The following DSCAM variants were observed in gnomAD, a reference collection of about 807,000 sequenced individuals.
The protein encoded by DSCAM is DS cell adhesion molecule.
DSCAM carries 47 observed loss-of-function variants against 217.7 expected under a neutral mutation model. The observed-to-expected ratio is 0.22, with a 90% CI of 0.17 to 0.28. The LOEUF (loss-of-function observed/expected upper bound fraction) is 0.28. Ranked by LOEUF, DSCAM falls within the 10% of genes least tolerant of loss-of-function variation. DSCAM has a pLI of 1.00. For missense variants in DSCAM, 2,080 were observed against 2,618.3 expected, an observed-to-expected ratio of 0.79 and a Z score of 4.49; for synonymous variants, 1,056 against 1,015.3, an observed-to-expected ratio of 1.04 and a Z score of -0.76.
intron 3 of DSCAM, among the ~76,000 whole-genome samples, chr21:40,539,452 T>C (rs1413885884): frequency 1.3e-5 from 2 of 151,230 alleles, no homozygotes; most frequent in African/African-American, 4.9e-5. Context: ...CCCCAGATTG[T>C]GTCACTGCAC....
intron 14 of DSCAM, among the ~76,000 whole-genome samples, chr21:40,184,139 T>C (rs1226582631): frequency 6.6e-6 from 1 of 152,226 alleles, no homozygotes; most frequent in Non-Finnish European, 1.5e-5. Context: ...GAAGGCTTCC[T>C]GGAAGAAGTG....
intron 1 of DSCAM, among the ~76,000 whole-genome samples, chr21:40,836,000 A>G (rs765226777): frequency 6.6e-6 from 1 of 152,208 alleles, no homozygotes; most frequent in Non-Finnish European, 1.5e-5. Flanking sequence ...AAATGACCCA[A>G]AGCCCTTCAG....
At chr21:40,614,507 GAAC>G (rs2089362018) in intron 3 of DSCAM, among the ~76,000 whole-genome samples, 2 of 152,072 alleles carry the variant, frequency 1.3e-5, no homozygotes, top group African/African-American at 4.8e-5. Flanking sequence ...GTGAAATTTG[GAAC>G]AACTTTTATG....
At chr21:40,815,772 A>G (rs893231694) in intron 1 of DSCAM, among the ~76,000 whole-genome samples, 1 of 152,206 alleles carries the variant, frequency 6.6e-6, no homozygotes, top group African/African-American at 2.4e-5. Context: ...TCTGCATTCA[A>G]ACTGAACACA....
At chr21:40,691,421 T>C (rs2090536437) in intron 3 of DSCAM, among the ~76,000 whole-genome samples, 1 of 152,226 alleles carries the variant, frequency 6.6e-6, no homozygotes, top group Non-Finnish European at 1.5e-5. Context: ...GAACCTATAC[T>C]CCCTTGCCAT....
intron 3 of DSCAM, among the ~76,000 whole-genome samples, chr21:40,457,282 C>T (rs370617057): frequency 5.9e-5 from 9 of 152,090 alleles, no homozygotes; most frequent in South Asian, 4.1e-4. Flanking sequence ...AAAGCCAAGG[C>T]GGGAGGATTG....
chr21:40,175,136 G>A (rs192520465), intron 15 of DSCAM, among the ~76,000 whole-genome samples: 1 of 152,152 alleles, frequency 6.6e-6, no homozygotes, highest in Non-Finnish European at 1.5e-5. Context: ...TTGACAAGGA[G>A]TCTCACTCTG....
chr21:40,630,200 A>G (rs2089669859), intron 3 of DSCAM, among the ~76,000 whole-genome samples: 1 of 152,234 alleles, frequency 6.6e-6, no homozygotes, highest in Admixed American at 6.5e-5. Flanking sequence ...ATTTGACAGA[A>G]GCAGAGGCAG....
chr21:40,670,025 T>A (rs984238333), intron 3 of DSCAM, among the ~76,000 whole-genome samples: 24 of 152,272 alleles, frequency 1.6e-4, no homozygotes, highest in East Asian at 9.6e-4. Context: ...ATGATTATGA[T>A]TTTGGAAGTT....
intron 2 of DSCAM, among the ~76,000 whole-genome samples, chr21:40,695,897 G>A (rs1202601350): frequency 2.6e-5 from 4 of 151,950 alleles, no homozygotes; most frequent in Admixed American, 2.6e-4. Flanking sequence ...TGTTCCTGAG[G>A]CCTCCATAAC....
chr21:40,461,979 T>C (rs2075809660), intron 3 of DSCAM, among the ~76,000 whole-genome samples: 1 of 151,934 alleles, frequency 6.6e-6, no homozygotes, highest in African/African-American at 2.4e-5. Context: ...ACATCCACAA[T>C]AGTATGACAA....
intron 1 of DSCAM, among the ~76,000 whole-genome samples, chr21:40,734,135 C>T (rs964899526): frequency 1.3e-5 from 2 of 152,048 alleles, no homozygotes; most frequent in Non-Finnish European, 2.9e-5. Context: ...GCATTAGATG[C>T]GATGTGGGGT....
At chr21:40,659,895 A>C (rs2146377732) in intron 3 of DSCAM, among the ~76,000 whole-genome samples, 1 of 152,366 alleles carries the variant, frequency 6.6e-6, no homozygotes, top group African/African-American at 2.4e-5. Context: ...GTAAGCGAAG[A>C]CCAGATGCAT....
chr21:40,465,333 G>A (rs920641090), intron 3 of DSCAM, among the ~76,000 whole-genome samples: 4 of 152,030 alleles, frequency 2.6e-5, no homozygotes, highest in Admixed American at 1.3e-4. Context: ...TATCATGAGC[G>A]GCTCTTTCTC....
chr21:40,415,090 T>C (rs144128050), intron 3 of DSCAM, among the ~76,000 whole-genome samples: 4 of 152,302 alleles, frequency 2.6e-5, no homozygotes, highest in South Asian at 2.1e-4. Flanking sequence ...ACCTGGAATT[T>C]GATTTGGACG....
chr21:40,046,598 G>A (rs1292466551), intron 30 of DSCAM, among the ~76,000 whole-genome samples: 4 of 152,178 alleles, frequency 2.6e-5, no homozygotes, highest in Admixed American at 2.6e-4. Flanking sequence ...GACTTGATAA[G>A]TGGAGCTTAA....
At position 40,310,732 on chromosome 21, in the gene DSCAM, C is replaced by T. The variant is rs1340913922; in HGVS notation, c.2062+1349G>A. 2.0e-5 allele frequency among the ~76,000 whole-genome samples: 3 copies of T among 152,292 alleles called. No homozygotes were observed. The East Asian group carries it at 5.8e-4, about 29-fold the overall frequency. On this transcript the variant is annotated intron_variant, in intron 9 of 32. Coordinates refer to ENST00000400454, the MANE Select transcript of DSCAM (RefSeq NM_001389.5). ...GGCTGATGTACTATTTTGCCCTTCA[C>T]AAACCCAAGAGTTAACTCTGCTTAT...
chr21:40,830,985 A>G (rs2092007657), intron 1 of DSCAM, among the ~76,000 whole-genome samples: 1 of 152,178 alleles, frequency 6.6e-6, no homozygotes, highest in Non-Finnish European at 1.5e-5. Context: ...GATGAAGGCA[A>G]TTGTCACGAC....
At chr21:40,620,208 A>AG (rs2089477322) in intron 3 of DSCAM, among the ~76,000 whole-genome samples, 2 of 132,318 alleles carry the variant, frequency 1.5e-5, no homozygotes, top group Non-Finnish European at 3.3e-5. Context: ...AGAAAGAGAG[A>AG]AAGAGAGAGA....
Sources: gnomAD v4.1 joint callset for allele counts (sites outside exome capture counted in the v4.1 genomes callset) on GRCh38, gnomAD v4.1.1 for gene constraint, MANE v1.5 for transcripts, NCBI Gene and HGNC (gene_info 2026-07-23, HGNC 2026-07-21) for gene names.